The following COL11A1 variants were observed in gnomAD, a reference collection of about 807,000 sequenced individuals.
The protein encoded by COL11A1 is collagen alpha-1(XI) chain.
A neutral mutation model predicts 265.2 loss-of-function variants in COL11A1; 74 were observed. That is an observed-to-expected ratio of 0.28 (90% CI 0.23 to 0.34). The LOEUF (loss-of-function observed/expected upper bound fraction) is 0.34, where lower values mean the gene tolerates loss of function less well. Ranked by LOEUF, COL11A1 falls within the 10% of genes least tolerant of loss-of-function variation. COL11A1 has a pLI of 1.00. For missense variants in COL11A1, 2,165 were observed against 2,263.6 expected (o/e 0.96, Z 0.88); for synonymous variants, 816 against 727.6 (o/e 1.12, Z -1.96).
chr1:103,059,068 A>C (rs1346261890), intron 4 of COL11A1, among the ~76,000 whole-genome samples: 3 of 152,182 alleles, frequency 2.0e-5, no homozygotes, highest in Non-Finnish European at 2.9e-5. Flanking sequence ...TGCTTGATTC[A>C]AGGTTGCCAC....
At chr1:102,977,251 A>G (rs151267778) in intron 35 of COL11A1, among the ~76,000 whole-genome samples, 279 of 152,298 alleles carry the variant, frequency 1.8e-3, no homozygotes, top group African/African-American at 5.8e-3. Flanking sequence ...TTGGCAGAAA[A>G]TGAAGGCATA....
chr1:103,047,281 A>G (rs1293786539), intron 4 of COL11A1, among the ~76,000 whole-genome samples: 3 of 151,918 alleles, frequency 2.0e-5, no homozygotes, highest in Admixed American at 1.3e-4. Flanking sequence ...CTTTTATTTC[A>G]TTGAGCAGTG....
intron 26 of COL11A1, 85 bp downstream of exon 26, chr1:102,996,995 T>A: frequency 9.1e-7 from 1 of 1,097,270 alleles, no homozygotes; most frequent in South Asian, 1.3e-5. Flanking sequence ...ATGAACGTGA[T>A]TTATATATAT....
chr1:102,884,655 C>G (rs1281446149), intron 63 of COL11A1: 1 of 152,386 alleles, frequency 6.6e-6, no homozygotes, highest in East Asian at 1.9e-4. Flanking sequence ...TGTGTGTGGC[C>G]CCTCCCAAGT....
Position 103,108,507 on chromosome 1 carries a change from G to C in COL11A1, c.-329C>G, listed in dbSNP as rs1674896027. On this transcript the variant is annotated 5_prime_UTR_variant, in exon 1 of 67. Coordinates refer to ENST00000370096, the MANE Select transcript of COL11A1 (RefSeq NM_001854.4). Reference sequence around the variant, plus strand: ...CTGAGAGTACTGTGTGCCCCTAAAGGCTTCATGCCGTCAGTGGGCTGGACG... The same window carrying C: ...CTGAGAGTACTGTGTGCCCCTAAAGCCTTCATGCCGTCAGTGGGCTGGACG... 8.9e-6 allele frequency: 5 copies of C among 563,000 alleles called. No individual in the cohort carries two copies. Among genetic ancestry groups the C allele is most frequent in the South Asian group, 2.5e-5 (1 of 40,496 alleles). 34.9% of individuals were successfully genotyped at this position (563,000 alleles called of 1,614,324 possible).
chr1:102,910,907 C>CAAGAAGTATTTCA (rs1040308936), intron 54 of COL11A1, among the ~76,000 whole-genome samples: 4 of 152,050 alleles, frequency 2.6e-5, no homozygotes, highest in Admixed American at 2.6e-4. Context: ...CCTGTTGTTC[C>CAAGAAGTATTTCA]AAGAAGTATT....
intron 23 of COL11A1, 110 bp from the exon 24 acceptor site, chr1:103,002,079 T>A: frequency 1.1e-6 from 1 of 932,714 alleles, no homozygotes; most frequent in Non-Finnish European, 1.7e-6. Context: ...TAAGAATCTG[T>A]ATATATTCCC....
At position 103,015,781 on chromosome 1, in the gene COL11A1, C is replaced by G. The variant is rs769299823; in HGVS notation, c.1414-39G>C. Reference sequence around the variant, plus strand: ...TGAAATAACCAAAATAAATAAATATCAAAATAATATTTACTAGAACTAGAA... The same window carrying G: ...TGAAATAACCAAAATAAATAAATATGAAAATAATATTTACTAGAACTAGAA... On this transcript the variant is annotated intron_variant, in intron 11 of 66. Transcript: ENST00000370096. 2.3e-6 allele frequency: 3 copies of G among 1,319,132 alleles called. No individual in the cohort carries two copies. In the African/African-American group the frequency reaches 4.4e-5, roughly 19 times the overall value. The allele number at this position is 1,319,132 out of a possible 1,614,324, so 81.7% of individuals were successfully genotyped here.
chr1:103,049,170 C>T (rs1325576644), intron 4 of COL11A1, among the ~76,000 whole-genome samples: 4 of 152,066 alleles, frequency 2.6e-5, no homozygotes, highest in African/African-American at 4.8e-5. Flanking sequence ...CCTTCTGTCT[C>T]GTTGATCTGT....
At chr1:102,915,080 C>A (rs1439866430) in intron 50 of COL11A1, among the ~76,000 whole-genome samples, 1 of 151,824 alleles carries the variant, frequency 6.6e-6, no homozygotes, top group East Asian at 1.9e-4. Flanking sequence ...AATTTTTGTA[C>A]TTTTTAGTAG....
chr1:102,959,561 A>G (rs1055404474), intron 41 of COL11A1, among the ~76,000 whole-genome samples: 3 of 152,100 alleles, frequency 2.0e-5, no homozygotes, highest in African/African-American at 7.2e-5. Flanking sequence ...TCACCAACCA[A>G]CTTACAGTGC....
chr1:103,057,225 C>T (rs970327333), intron 4 of COL11A1, among the ~76,000 whole-genome samples: 20 of 152,160 alleles, frequency 1.3e-4, no homozygotes, highest in African/African-American at 4.8e-4. Context: ...ATATTCACAA[C>T]CTCTTCACCA....
At chr1:103,087,200 G>A (rs1454811060) in intron 1 of COL11A1, among the ~76,000 whole-genome samples, 1 of 152,154 alleles carries the variant, frequency 6.6e-6, no homozygotes, top group African/African-American at 2.4e-5. Flanking sequence ...CAAACCATGT[G>A]TATGCAATTC....
chr1:103,051,722 GT>G (rs772249862), intron 4 of COL11A1, among the ~76,000 whole-genome samples: 1 of 152,158 alleles, frequency 6.6e-6, no homozygotes, highest in Non-Finnish European at 1.5e-5. Flanking sequence ...GACTGGAGCT[GT>G]TCCCATTTGG....
intron 41 of COL11A1, among the ~76,000 whole-genome samples, chr1:102,957,017 A>T (rs1300955020): frequency 1.3e-5 from 2 of 151,934 alleles, no homozygotes; most frequent in African/African-American, 2.4e-5. Context: ...CATAAAGATG[A>T]CCCTGTATAA....
At chr1:102,935,208 T>C (rs772504287) in intron 44 of COL11A1, 95 bp from the exon 45 acceptor site, 30 of 929,450 alleles carry the variant, frequency 3.2e-5, no homozygotes, top group Non-Finnish European at 3.6e-5. Flanking sequence ...ATCAAACACT[T>C]CTGCACTCCT....
intron 56 of COL11A1, among the ~76,000 whole-genome samples, 157 bp from the exon 57 acceptor site, chr1:102,898,335 G>C (rs1652710769): frequency 6.6e-6 from 1 of 151,382 alleles, no homozygotes. Context: ...AAATAATTTT[G>C]TGTCTTTAAT....
At chr1:102,967,660 C>T (rs1319511956) in intron 37 of COL11A1, among the ~76,000 whole-genome samples, 1 of 152,100 alleles carries the variant, frequency 6.6e-6, no homozygotes, top group East Asian at 1.9e-4. Context: ...GCTGATCTTC[C>T]TACCTTTTTC....
intron 12 of COL11A1, 37 bp downstream of exon 12, chr1:103,015,631 A>C: frequency 6.6e-6 from 9 of 1,364,916 alleles, no homozygotes; most frequent in African/African-American, 2.9e-5. Context: ...AGATGACAAG[A>C]TATCAAGTCA....
Sources: allele counts gnomAD v4.1 joint callset (sites outside exome capture counted in the v4.1 genomes callset), GRCh38; gene constraint gnomAD v4.1.1; transcripts MANE v1.5; gene names NCBI Gene and HGNC (gene_info 2026-07-23, HGNC 2026-07-21).